Variants in EXOSC2 observed in about 807,000 individuals in gnomAD.
EXOSC2 encodes exosome component 2.
In EXOSC2, 29 loss-of-function variants were observed where a neutral mutation model predicts 37.6. That is an observed-to-expected ratio of 0.77 (90% CI 0.57 to 1.05). EXOSC2 has a LOEUF of 1.05. Ranked by LOEUF, EXOSC2 falls within the 50% of genes least tolerant of loss-of-function variation. The probability of loss-of-function intolerance (pLI) is 0.00; values close to 1 mark genes in which losing one functional copy is unlikely to be tolerated. For synonymous variants in EXOSC2, 119 were observed against 131.1 expected (o/e 0.91, Z 0.63); for missense variants, 346 against 365.6 (o/e 0.95, Z 0.44).
chr9:130,697,744 G>T, intron 3 of EXOSC2, 117 bp downstream of exon 3: 1 of 943,450 alleles, frequency 1.1e-6, no homozygotes, highest in Non-Finnish European at 1.7e-6. Context: ...TTTGGCCGTT[G>T]TGTGGCTTCT....
chr9:130,703,916 G>A lies in EXOSC2; in HGVS notation c.*142G>A, dbSNP rs559987015. On this transcript the variant is annotated 3_prime_UTR_variant, in exon 9 of 9. Coordinates refer to ENST00000372358, the MANE Select transcript of EXOSC2 (RefSeq NM_014285.7). ...GCCCTGTGACGGCCTCCAGCCCACAGGCCTGCTTTCTCCTGTCCTAACACC... is the reference window on the plus strand; with the variant it reads ...GCCCTGTGACGGCCTCCAGCCCACAAGCCTGCTTTCTCCTGTCCTAACACC... The A allele has an allele frequency of 3.5e-5, 23 of 650,814 alleles. No homozygotes were observed. The East Asian group carries it at 6.3e-4, about 18-fold the overall frequency. The allele number at this position is 650,814 out of a possible 1,614,324, so 40.3% of individuals were successfully genotyped here. A position where few individuals can be genotyped will look rare whatever the true frequency, so the allele number is the denominator to read the frequency against.
At chr9:130,703,447 TC>T (rs1564259865) in intron 8 of EXOSC2, among the ~76,000 whole-genome samples, 1 of 152,220 alleles carries the variant, frequency 6.6e-6, no homozygotes, top group South Asian at 2.1e-4. Context: ...ATCTTACCTC[TC>T]CCAAATTTCA....
At position 130,693,883 on chromosome 9, in the gene EXOSC2, A is replaced by T. The variant is rs757105392; in HGVS notation, c.92A>T (p.Asp31Val). ...AAGAAACATCTAGTGGTGCCGGGGG[A>T]TACAATCACTACGGACACAGGATTC... The part of the protein sequence containing the change: ...DTKKHLVVPG[D>V]TITTDTGFMR... The change falls in exon 1 of 9, where the codon GAT becomes GTT. Residue 31 changes from aspartate (D) to valine (V), a missense_variant. Physicochemically the swap from Asp to Val is radical, Grantham distance 152. Coordinates refer to ENST00000372358, the MANE Select transcript of EXOSC2 (RefSeq NM_014285.7). The T allele has an allele frequency of 3.1e-6, 5 of 1,611,410 alleles. No individual in the cohort carries two copies. Among genetic ancestry groups the T allele is most frequent in the African/African-American group, 1.3e-5 (1 of 74,788 alleles).
rs376591547 is a variant in EXOSC2, at chr9:130,693,803, G to C, written c.12G>C (p.Glu4Asp). Residue 4 changes from glutamate to aspartate, a missense_variant, in exon 1 of 9, where the codon GAG becomes GAC. By Grantham distance (45) the Glu-to-Asp change is conservative. Transcript: ENST00000372358. Reference protein sequence around the residue: MAMEMRLPVARKPL... With the variant: MAMDMRLPVARKPL... ...TCATTGGCGCCAAGATGGCGATGGAGATGAGGCTTCCAGTGGCTCGCAAGC... is the reference window on the plus strand; with the variant it reads ...TCATTGGCGCCAAGATGGCGATGGACATGAGGCTTCCAGTGGCTCGCAAGC... The C allele has an allele frequency of 3.1e-6, 5 of 1,607,950 alleles. No individual in the cohort carries two copies. In the African/African-American group the frequency reaches 5.4e-5, roughly 17 times the overall value.
At position 130,704,269 on chromosome 9, in the gene EXOSC2, C is replaced by G. The variant is rs1237699507; in HGVS notation, c.*495C>G. On this transcript the variant is annotated 3_prime_UTR_variant, in exon 9 of 9. Transcript: ENST00000372358. ...AGCAGGCCAGGCACGGTGGCTCACG[C>G]CTATAATCCCAGCACTTAGGGAGGC... 6.6e-6 allele frequency: 1 copy of G among 152,446 alleles called. No homozygotes were observed. Among genetic ancestry groups the G allele is most frequent in the Non-Finnish European group, 1.5e-5 (1 of 68,272 alleles). The allele number at this position is 152,446 out of a possible 1,614,324, so 9.4% of individuals were successfully genotyped here. A position where few individuals can be genotyped will look rare whatever the true frequency, so the allele number is the denominator to read the frequency against.
intron 5 of EXOSC2, among the ~76,000 whole-genome samples, chr9:130,700,539 A>C (rs1348626786): frequency 2.7e-5 from 4 of 149,422 alleles, no homozygotes; most frequent in African/African-American, 9.9e-5. Context: ...TTGTACTTTT[A>C]GTAGAGACGG....
chr9:130,694,810 C>G lies in EXOSC2; in HGVS notation c.123-682C>G, dbSNP rs908682164. Among the ~76,000 whole-genome samples the G allele has an allele frequency of 1.3e-5, 2 of 151,810 alleles. No individual in the cohort carries two copies. The highest frequency in any genetic ancestry group is 2.9e-5 in the Non-Finnish European group (2 of 67,996). On this transcript the variant is annotated intron_variant, in intron 1 of 8. Coordinates refer to ENST00000372358, the MANE Select transcript of EXOSC2 (RefSeq NM_014285.7). This position sits in a 1 kb window ranked among gnomAD's most constrained non-coding sequence, Gnocchi z 4.0. ...CTCTGCCTCCTGGGTTCAAGTGATT[C>G]TCCTGCCTCAGCCTCCTGAGTAGCT... is the stretch of plus-strand genomic sequence containing the variant.
chr9:130,697,275 A>G (rs1050183316), intron 2 of EXOSC2, among the ~76,000 whole-genome samples: 4 of 152,210 alleles, frequency 2.6e-5, no homozygotes, highest in East Asian at 1.9e-4. Flanking sequence ...GAACTCATCC[A>G]TGTGCCACAG....
At position 130,694,842 on chromosome 9, in the gene EXOSC2, A is replaced by G. The variant is rs1831056506; in HGVS notation, c.123-650A>G. 6.6e-6 allele frequency among the ~76,000 whole-genome samples: 1 copy of G among 150,466 alleles called. No individual in the cohort carries two copies. Among genetic ancestry groups the G allele is most frequent in the Non-Finnish European group, 1.5e-5 (1 of 67,840 alleles). On this transcript the variant is annotated intron_variant, in intron 1 of 8. Transcript: ENST00000372358. This position sits in a 1 kb window ranked among gnomAD's most constrained non-coding sequence, Gnocchi z 4.0. ...CTCAGCCTCCTGAGTAGCTGGGATT[A>G]CAGGTGCACGCCACCATGCCTAGCT...
chr9:130,699,493 T>C, intron 5 of EXOSC2, 99 bp downstream of exon 5: 1 of 1,211,882 alleles, frequency 8.3e-7, no homozygotes, highest in Non-Finnish European at 1.2e-6. Flanking sequence ...CATGTCATCC[T>C]TGCAGGGATC....
chr9:130,702,096 A>G (rs1244355372), intron 6 of EXOSC2, 38 bp from the exon 7 acceptor site: 4 of 1,603,758 alleles, frequency 2.5e-6, no homozygotes, highest in South Asian at 2.2e-5. Context: ...CATCCCGCCA[A>G]TCTTGCAGTG....
At chr9:130,699,577 C>T in intron 5 of EXOSC2, 183 bp downstream of exon 5, 6 of 640,446 alleles carry the variant, frequency 9.4e-6, no homozygotes, top group Non-Finnish European at 1.7e-5. Flanking sequence ...CTCCCCAGCT[C>T]TTGTTGGGAC....
At position 130,700,329 on chromosome 9, in the gene EXOSC2, TTTTATTTATTTA is replaced by T. The variant is rs367666983; in HGVS notation, c.427-506_427-495del. On this transcript the variant is annotated intron_variant, in intron 5 of 8. Coordinates refer to ENST00000372358, the MANE Select transcript of EXOSC2 (RefSeq NM_014285.7). The stretch of plus-strand genomic sequence containing the variant: ...CCACCATGCCTGGCCTCTGTCTTTA[TTTTATTTATTTA>T]TTTATTTATTTATTTATTTATTTAT... Among the ~76,000 whole-genome samples the T allele has an allele frequency of 8.7e-4, 123 of 140,662 alleles. 4 individuals are homozygous for T. Among genetic ancestry groups the T allele is most frequent in the Admixed American group, 2.5e-3 (34 of 13,876 alleles). The allele number at this position is 140,662 out of a possible 152,430, so 92.3% of individuals were successfully genotyped here.
intron 3 of EXOSC2, 136 bp downstream of exon 3, chr9:130,697,763 T>C (rs1243284863): frequency 6.2e-6 from 5 of 808,886 alleles, no homozygotes; most frequent in Non-Finnish European, 1.1e-5. Context: ...CTGATGTAAA[T>C]ATGTGGCTTG....
chr9:130,698,566 G>A lies in EXOSC2; in HGVS notation c.360+315G>A, dbSNP rs1030032361. 1.3e-5 allele frequency among the ~76,000 whole-genome samples: 2 copies of A among 152,226 alleles called. No homozygotes were observed. The highest frequency in any genetic ancestry group is 2.9e-5 in the Non-Finnish European group (2 of 68,036). ...TTTTTGGATATAACAGCCTTGCATA[G>A]TGAAGATGTTCCTTGAAAAGTTGTC... On this transcript the variant is annotated intron_variant, in intron 4 of 8. Coordinates refer to ENST00000372358, the MANE Select transcript of EXOSC2 (RefSeq NM_014285.7). This position sits in a 1 kb window ranked among gnomAD's most constrained non-coding sequence, Gnocchi z 4.1.
chr9:130,701,108 G>A, intron 6 of EXOSC2, 173 bp downstream of exon 6: 3 of 617,760 alleles, frequency 4.9e-6, no homozygotes, highest in Non-Finnish European at 8.7e-6. Flanking sequence ...GACGGTCAGG[G>A]TTCACAGGGT....
In EXOSC2 at chr9:130,698,284, C is replaced by G; in HGVS notation, c.360+33C>G. On this transcript the variant is annotated intron_variant, in intron 4 of 8. Coordinates refer to ENST00000372358, the MANE Select transcript of EXOSC2 (RefSeq NM_014285.7). The surrounding 1 kb of genome is among the most constrained non-coding windows in gnomAD (Gnocchi z 4.1). Reference sequence around the variant, plus strand: ...CTACAGCTGGGGCCATGGACTAGGGCCCAGTGGGCTGGGGGGAGCCGTGGG... The same window carrying G: ...CTACAGCTGGGGCCATGGACTAGGGGCCAGTGGGCTGGGGGGAGCCGTGGG... 1 of 1,597,464 alleles carries G rather than the reference C, an allele frequency of 6.3e-7. No homozygotes were observed. The highest frequency in any genetic ancestry group is 8.6e-7 in the Non-Finnish European group (1 of 1,165,948).
intron 5 of EXOSC2, among the ~76,000 whole-genome samples, chr9:130,700,366 TTTA>T (rs1224246061): frequency 3.5e-4 from 51 of 147,438 alleles, no homozygotes; most frequent in African/African-American, 1.1e-3. Context: ...TATTTATTTA[TTTA>T]TTTTTTTGAG....
chr9:130,699,732 T>C (rs1209022286), intron 5 of EXOSC2: 10 of 246,076 alleles, frequency 4.1e-5, no homozygotes. Context: ...CCGAGTGTGG[T>C]GACTCATGCC....
Sources: gnomAD v4.1 joint callset for allele counts (sites outside exome capture counted in the v4.1 genomes callset) on GRCh38, gnomAD v4.1.1 for gene constraint, Gnocchi (gnomAD v3.1) non-coding constraint, MANE v1.5 for transcripts, NCBI Gene and HGNC (gene_info 2026-07-23, HGNC 2026-07-21) for gene names.